Variants in MME observed in about 807,000 individuals in gnomAD.
MME encodes neprilysin.
In MME, 98 loss-of-function variants were observed where a neutral mutation model predicts 113.2. The observed-to-expected ratio is 0.87, with a 90% CI of 0.74 to 1.02. MME has a LOEUF of 1.02. Among genes scored for constraint, MME ranks in the 50% least tolerant of loss-of-function variants. The pLI, the probability that MME is intolerant of heterozygous loss-of-function variation, is 0.00. For synonymous variants in MME, 292 were observed against 300.6 expected, an observed-to-expected ratio of 0.97 and a Z score of 0.30; for missense variants, 836 against 896.0, an observed-to-expected ratio of 0.93 and a Z score of 0.86.
At chr3:155,072,679 G>T (rs946621585) in intron 1 of MME, among the ~76,000 whole-genome samples, 1 of 152,006 alleles carries the variant, frequency 6.6e-6, no homozygotes, top group South Asian at 2.1e-4. Context: ...TCCTATCAAT[G>T]GACTTTTGTA....
intron 1 of MME, among the ~76,000 whole-genome samples, chr3:155,041,817 G>A (rs530910812): frequency 1.3e-5 from 2 of 152,242 alleles, no homozygotes; most frequent in African/African-American, 4.8e-5. Context: ...AAATTCTTAT[G>A]TACCATATCT....
At position 155,172,530 on chromosome 3, in the gene MME, C is replaced by T; in HGVS notation, c.2077-6C>T. 6.2e-7 allele frequency: 1 copy of T among 1,606,272 alleles called. No individual in the cohort carries two copies. The highest frequency in any genetic ancestry group is 8.5e-7 in the Non-Finnish European group (1 of 1,173,094). ...CATGCTTTGCTTTTCCTATTCCTATCTCTAGGTGTGGTGTGGAACCTATAG... is the reference window on the plus strand; with the variant it reads ...CATGCTTTGCTTTTCCTATTCCTATTTCTAGGTGTGGTGTGGAACCTATAG... On this transcript the variant is annotated splice_region_variant and splice_polypyrimidine_tract_variant and intron_variant, in intron 21 of 22. Coordinates refer to ENST00000360490, the MANE Select transcript of MME (RefSeq NM_007289.4).
At chr3:155,098,545 G>C (rs568792580) in intron 3 of MME, among the ~76,000 whole-genome samples, 1 of 144,290 alleles carries the variant, frequency 6.9e-6, no homozygotes, top group East Asian at 2.0e-4. Flanking sequence ...GGCAGAGTGA[G>C]ATTCTGTCTC....
rs767031265 is a variant in MME, at chr3:155,118,701, A to G, written c.655-45A>G. ...ATGCTTGTATTTTTCAAACTTTTCT[A>G]TATTCACTGAATGATTTATTTTCTT... On this transcript the variant is annotated intron_variant, in intron 7 of 22. Transcript: ENST00000360490. The G allele has an allele frequency of 5.5e-6, 7 of 1,265,320 alleles. No homozygotes were observed. In the Admixed American group the frequency reaches 7.3e-5, roughly 13 times the overall value. 78.4% of individuals were successfully genotyped at this position (1,265,320 alleles called of 1,614,324 possible).
intron 8 of MME, among the ~76,000 whole-genome samples, chr3:155,133,672 A>C (rs76586504): frequency 2.0e-5 from 1 of 51,146 alleles, no homozygotes; most frequent in Non-Finnish European, 4.6e-5. Context: ...CCATATATAT[A>C]TATATATATA....
intron 1 of MME, among the ~76,000 whole-genome samples, chr3:155,026,394 T>A (rs1202255790): frequency 1.3e-5 from 2 of 152,074 alleles, no homozygotes; most frequent in Non-Finnish European, 2.9e-5. Context: ...TCCCTCAAGG[T>A]CAAAGACAGA....
At chr3:155,027,260 GTCTC>G (rs1201422761) in intron 1 of MME, among the ~76,000 whole-genome samples, 1 of 151,974 alleles carries the variant, frequency 6.6e-6, no homozygotes, top group Non-Finnish European at 1.5e-5. Flanking sequence ...AATGCTTCCT[GTCTC>G]TCTCTTCTCT....
intron 1 of MME, among the ~76,000 whole-genome samples, chr3:155,029,595 AAC>A (rs1458671566): frequency 7.9e-5 from 12 of 152,152 alleles, no homozygotes; most frequent in African/African-American, 2.7e-4. Flanking sequence ...TAACAAAATG[AAC>A]AGTTTTAGGA....
intron 1 of MME, among the ~76,000 whole-genome samples, chr3:155,070,808 A>G (rs551089662): frequency 6.6e-6 from 1 of 152,296 alleles, no homozygotes; most frequent in South Asian, 2.1e-4. Flanking sequence ...ATTATCTGGA[A>G]TCCGCACCTC....
At chr3:155,171,156 A>C (rs1711898939) in intron 20 of MME, among the ~76,000 whole-genome samples, 2 of 152,214 alleles carry the variant, frequency 1.3e-5, no homozygotes, top group African/African-American at 4.8e-5. Context: ...CAAGTACAGA[A>C]TTGTTAATGA....
intron 1 of MME, among the ~76,000 whole-genome samples, chr3:155,063,910 G>A (rs1714288882): frequency 6.6e-6 from 1 of 151,406 alleles, no homozygotes; most frequent in Non-Finnish European, 1.5e-5. Flanking sequence ...GACTGTATTT[G>A]GGAGATGGGG....
At chr3:155,053,533 C>A (rs1249733439) in intron 1 of MME, among the ~76,000 whole-genome samples, 2 of 152,232 alleles carry the variant, frequency 1.3e-5, no homozygotes, top group South Asian at 4.1e-4. Context: ...AGATAACTGT[C>A]CCAGTTATTC....
At chr3:155,111,413 C>G (rs1329143368) in intron 3 of MME, among the ~76,000 whole-genome samples, 1 of 152,190 alleles carries the variant, frequency 6.6e-6, no homozygotes, top group Non-Finnish European at 1.5e-5. Context: ...AAGAGTGGCC[C>G]TGGAAGGAGT....
intron 22 of MME, among the ~76,000 whole-genome samples, chr3:155,179,457 T>C (rs780106966): frequency 1.2e-4 from 18 of 152,142 alleles, no homozygotes; most frequent in Non-Finnish European, 2.2e-4. Context: ...TCCTAAGATG[T>C]ACACACAGTA....
intron 3 of MME, among the ~76,000 whole-genome samples, chr3:155,097,219 T>C (rs1716814372): frequency 6.6e-6 from 1 of 152,078 alleles, no homozygotes; most frequent in South Asian, 2.1e-4. Context: ...GAAGATGGTG[T>C]TGGAAATAAA....
At chr3:155,136,231 G>C (rs1175810627) in intron 8 of MME, among the ~76,000 whole-genome samples, 1 of 152,064 alleles carries the variant, frequency 6.6e-6, no homozygotes, top group Non-Finnish European at 1.5e-5. Context: ...TGTTCTCAAG[G>C]GGAATGCTTC....
At chr3:155,059,179 C>T (rs946239419) in intron 1 of MME, among the ~76,000 whole-genome samples, 12 of 147,898 alleles carry the variant, frequency 8.1e-5, no homozygotes, top group African/African-American at 1.8e-4. Flanking sequence ...CGCTTGAACC[C>T]GGCGGGCAGA....
chr3:155,051,435 G>A (rs1407449031), intron 1 of MME, among the ~76,000 whole-genome samples: 2 of 152,156 alleles, frequency 1.3e-5, no homozygotes, highest in African/African-American at 4.8e-5. Flanking sequence ...AATTTATAAA[G>A]GAAAGAGGTT....
At chr3:155,118,056 G>T (rs995511489) in intron 7 of MME, among the ~76,000 whole-genome samples, 4 of 152,150 alleles carry the variant, frequency 2.6e-5, no homozygotes, top group African/African-American at 9.7e-5. Flanking sequence ...AGACACGTTA[G>T]CGCAAAACTG....
Sources: allele counts gnomAD v4.1 joint callset (sites outside exome capture counted in the v4.1 genomes callset), GRCh38; gene constraint gnomAD v4.1.1; transcripts MANE v1.5; gene names NCBI Gene and HGNC (gene_info 2026-07-23, HGNC 2026-07-21).